CNTNAP5: variants seen among roughly 807,000 people sequenced by gnomAD.
The protein encoded by CNTNAP5 is contactin-associated protein-like 5.
CNTNAP5 carries 72 observed loss-of-function variants against 150.2 expected under a neutral mutation model. The ratio of observed to expected loss-of-function variants is 0.48; its 90% CI spans 0.40 to 0.58. The LOEUF (loss-of-function observed/expected upper bound fraction) is 0.58, where lower values mean the gene tolerates loss of function less well. CNTNAP5 is among the 20% of genes least tolerant of loss of function. The pLI, the probability that CNTNAP5 is intolerant of heterozygous loss-of-function variation, is 0.00. For missense variants in CNTNAP5, 1,636 were observed against 1,626.2 expected (o/e 1.01, Z -0.10); for synonymous variants, 672 against 619.8 (o/e 1.08, Z -1.25).
intron 1 of CNTNAP5, among the ~76,000 whole-genome samples, chr2:124,089,439 G>C (rs1017515851): frequency 7.2e-5 from 11 of 152,082 alleles, no homozygotes; most frequent in Admixed American, 1.3e-4. Flanking sequence ...ACTTGCCCCA[G>C]CTCATACAGA....
intron 5 of CNTNAP5, among the ~76,000 whole-genome samples, chr2:124,441,276 A>G (rs1189002090): frequency 6.6e-6 from 1 of 152,110 alleles, no homozygotes; most frequent in African/African-American, 2.4e-5. Context: ...TCAGTGATAT[A>G]TAGTCTTCAA....
intron 11 of CNTNAP5, among the ~76,000 whole-genome samples, chr2:124,603,831 A>G (rs1254066825): frequency 1.3e-5 from 2 of 152,252 alleles, no homozygotes; most frequent in African/African-American, 4.8e-5. Flanking sequence ...ATGCATACAT[A>G]TATAAATTGA....
intron 1 of CNTNAP5, among the ~76,000 whole-genome samples, chr2:124,084,762 C>A (rs535913459): frequency 6.6e-6 from 1 of 151,700 alleles, no homozygotes; most frequent in African/African-American, 2.4e-5. Flanking sequence ...ATTAAATAAA[C>A]GGTGACATAT....
At chr2:124,364,782 A>G (rs1245929129) in intron 3 of CNTNAP5, among the ~76,000 whole-genome samples, 1 of 152,244 alleles carries the variant, frequency 6.6e-6, no homozygotes, top group African/African-American at 2.4e-5. Context: ...AAGAAAATAA[A>G]AAGTACCAGA....
At position 124,063,283 on chromosome 2, in the gene CNTNAP5, C is replaced by T. The variant is rs1028518503; in HGVS notation, c.82+37551C>T. On this transcript the variant is annotated intron_variant, in intron 1 of 23. Transcript: ENST00000682447. ...AGTTAGAAAATCATGTTTTAATTTC[C>T]ATCTCTGTCCATCTAGTTATGTCAT... 5.3e-5 allele frequency among the ~76,000 whole-genome samples: 8 copies of T among 152,142 alleles called. No individual in the cohort carries two copies. In the East Asian group the frequency reaches 1.6e-3, roughly 29 times the overall value.
chr2:124,786,459 GAAAGA>G (rs1681592874), intron 17 of CNTNAP5, among the ~76,000 whole-genome samples: 3 of 108,394 alleles, frequency 2.8e-5, no homozygotes, highest in African/African-American at 1.4e-4. Context: ...AAGAAAGAAA[GAAAGA>G]AAGGAAGGAA....
intron 3 of CNTNAP5, among the ~76,000 whole-genome samples, chr2:124,391,872 A>C (rs560743763): frequency 9.4e-4 from 143 of 152,190 alleles, no homozygotes; most frequent in East Asian, 5.1e-3. Flanking sequence ...AGGAGAATGG[A>C]GTGAACTCGG....
At chr2:124,422,092 G>A (rs931866130) in intron 4 of CNTNAP5, among the ~76,000 whole-genome samples, 2 of 152,192 alleles carry the variant, frequency 1.3e-5, no homozygotes, top group Admixed American at 1.3e-4. Context: ...AGTATTTGTT[G>A]AATGGGTACA....
chr2:124,199,779 A>G (rs1435746757), intron 1 of CNTNAP5, among the ~76,000 whole-genome samples: 1 of 152,180 alleles, frequency 6.6e-6, no homozygotes, highest in African/African-American at 2.4e-5. Flanking sequence ...TCAATTATTT[A>G]TAGCTGGTGT....
intron 13 of CNTNAP5, among the ~76,000 whole-genome samples, chr2:124,687,494 A>G (rs564709485): frequency 2.0e-5 from 3 of 152,102 alleles, no homozygotes; most frequent in South Asian, 2.1e-4. Flanking sequence ...AAGTTTCATT[A>G]TGGTTCATGG....
intron 3 of CNTNAP5, among the ~76,000 whole-genome samples, chr2:124,350,129 G>A (rs111245470): frequency 1.2e-4 from 18 of 151,748 alleles, no homozygotes; most frequent in East Asian, 9.7e-4. Flanking sequence ...TGATCCGCCC[G>A]CCTTTGCCTC....
intron 3 of CNTNAP5, among the ~76,000 whole-genome samples, chr2:124,248,810 G>C (rs1457295934): frequency 1.3e-5 from 2 of 152,144 alleles, no homozygotes; most frequent in African/African-American, 4.8e-5. Context: ...ACACGTTCTA[G>C]GGGAGACCAG....
At chr2:124,069,112 C>A (rs1019715633) in intron 1 of CNTNAP5, among the ~76,000 whole-genome samples, 1 of 152,010 alleles carries the variant, frequency 6.6e-6, no homozygotes, top group Admixed American at 6.5e-5. Context: ...GAGCCCATTG[C>A]CATGAAGGGT....
chr2:124,533,894 C>G (rs562962770), intron 10 of CNTNAP5, among the ~76,000 whole-genome samples: 1 of 152,176 alleles, frequency 6.6e-6, no homozygotes, highest in African/African-American at 2.4e-5. Context: ...TACCCCTGAA[C>G]GTCACAGCTT....
chr2:124,902,753 A>G (rs1558819824), intron 21 of CNTNAP5, 129 bp from the exon 22 acceptor site: 4 of 567,962 alleles, frequency 7.0e-6, no homozygotes, highest in African/African-American at 3.7e-5. Flanking sequence ...TAGATAGGGG[A>G]GGGTTTTCTT....
chr2:124,151,487 T>A (rs761032518), intron 1 of CNTNAP5, among the ~76,000 whole-genome samples: 17 of 152,334 alleles, frequency 1.1e-4, no homozygotes, highest in Non-Finnish European at 1.8e-4. Flanking sequence ...ACTTACCAGT[T>A]GTGTGATTTT....
At chr2:124,783,730 A>G (rs1681502513) in intron 17 of CNTNAP5, among the ~76,000 whole-genome samples, 1 of 152,134 alleles carries the variant, frequency 6.6e-6, no homozygotes, top group Non-Finnish European at 1.5e-5. Flanking sequence ...AAGCATGTAG[A>G]AGGTTTGATA....
chr2:124,520,871 A>G (rs1435284970), intron 8 of CNTNAP5, among the ~76,000 whole-genome samples: 1 of 152,234 alleles, frequency 6.6e-6, no homozygotes, highest in Non-Finnish European at 1.5e-5. Context: ...TAACTTGTGA[A>G]TAATTAATAG....
At chr2:124,326,240 C>T (rs1689213406) in intron 3 of CNTNAP5, among the ~76,000 whole-genome samples, 1 of 152,120 alleles carries the variant, frequency 6.6e-6, no homozygotes, top group African/African-American at 2.4e-5. Context: ...TACTCATAAG[C>T]CATGTGCATG....
Sources: gnomAD v4.1 joint callset for allele counts (sites outside exome capture counted in the v4.1 genomes callset) on GRCh38, gnomAD v4.1.1 for gene constraint, MANE v1.5 for transcripts, NCBI Gene and HGNC (gene_info 2026-07-23, HGNC 2026-07-21) for gene names.